Variants in SZRD1 observed in about 807,000 individuals in gnomAD.
The protein encoded by SZRD1 is SUZ RNA binding domain containing 1.
SZRD1 carries 7 observed loss-of-function variants against 17.6 expected under a neutral mutation model. That is an observed-to-expected ratio of 0.40 (90% CI 0.23 to 0.75). The LOEUF (loss-of-function observed/expected upper bound fraction) is 0.75. Ranked by LOEUF, SZRD1 falls within the 30% of genes least tolerant of loss-of-function variation. The pLI is 0.38. For synonymous variants in SZRD1, 77 were observed against 77.9 expected, an observed-to-expected ratio of 0.99 and a Z score of 0.06; for missense variants, 178 against 201.8, an observed-to-expected ratio of 0.88 and a Z score of 0.71.
intron 1 of SZRD1, among the ~76,000 whole-genome samples, chr1:16,389,711 C>T (rs1461454853): frequency 6.6e-6 from 1 of 152,194 alleles, no homozygotes; most frequent in Admixed American, 6.5e-5. Context: ...TCCCAAAGTG[C>T]TGGGATTATA....
rs2085321742 is a variant in SZRD1 at position 16,396,915 on chromosome 1, AGAGG to A, written c.*1780_*1783del. 1 of 152,394 alleles carries A rather than the reference AGAGG, an allele frequency of 6.6e-6. No individual in the cohort carries two copies. Among genetic ancestry groups the A allele is most frequent in the Non-Finnish European group, 1.5e-5 (1 of 68,142 alleles). 9.4% of individuals were successfully genotyped at this position (152,394 alleles called of 1,614,324 possible). ...GCTGGAACCAGAGCTTCAGTCAGTA[AGAGG>A]GAGGATTACCTTCAGGAGAAGGCAA... is the stretch of plus-strand genomic sequence containing the variant. On this transcript the variant is annotated 3_prime_UTR_variant, in exon 4 of 4. Transcript: ENST00000401088.
chr1:16,368,073 A>T (rs1306791659), intron 1 of SZRD1: 1 of 152,136 alleles, frequency 6.6e-6, no homozygotes, highest in Admixed American at 6.6e-5. Flanking sequence ...GGACCGTTCG[A>T]CTTGTTTTTG....
chr1:16,386,881 T>C (rs549561242), intron 1 of SZRD1, among the ~76,000 whole-genome samples: 16 of 152,052 alleles, frequency 1.1e-4, no homozygotes, highest in Non-Finnish European at 2.4e-4. Flanking sequence ...TAATGGTTTA[T>C]ACTGGCATTT....
Position 16,391,516 on chromosome 1 carries a change from C to A in SZRD1, c.101+92C>A, listed in dbSNP as rs565505370. On this transcript the variant is annotated intron_variant, in intron 2 of 3. Transcript: ENST00000401088. This position sits in a 1 kb window ranked among gnomAD's most constrained non-coding sequence, Gnocchi z 4.3. ...TTCTCCAGCTGGCCATTAGGATTAGCAGGTCCTAGCAGGTCAGGCTCTGGG... is the reference window on the plus strand; with the variant it reads ...TTCTCCAGCTGGCCATTAGGATTAGAAGGTCCTAGCAGGTCAGGCTCTGGG... 1.7e-5 allele frequency: 18 copies of A among 1,053,950 alleles called. No homozygotes were observed. The highest frequency in any genetic ancestry group is 2.4e-5 in the Non-Finnish European group (17 of 710,774). The allele number at this position is 1,053,950 out of a possible 1,614,324, so 65.3% of individuals were successfully genotyped here. A position where few individuals can be genotyped will look rare whatever the true frequency, so the allele number is the denominator to read the frequency against.
rs1043244707 is a variant in SZRD1, at chr1:16,397,425, G to C, written c.*2285G>C. The stretch of plus-strand genomic sequence containing the variant: ...CGGTTTGGATTTTGTGTGTGGGAGG[G>C]TATTTTTTGGGGGTAGTTGTCTGTA... On this transcript the variant is annotated 3_prime_UTR_variant, in exon 4 of 4. Transcript: ENST00000401088. The surrounding 1 kb of genome is among the most constrained non-coding windows in gnomAD (Gnocchi z 5.4). 1.3e-5 allele frequency: 2 copies of C among 152,252 alleles called. No individual in the cohort carries two copies. Among genetic ancestry groups the C allele is most frequent in the Non-Finnish European group, 2.9e-5 (2 of 68,048 alleles). The allele number at this position is 152,252 out of a possible 1,614,324, so 9.4% of individuals were successfully genotyped here. A position where few individuals can be genotyped will look rare whatever the true frequency, so the allele number is the denominator to read the frequency against.
chr1:16,371,292 A>C (rs1351386960), intron 1 of SZRD1, among the ~76,000 whole-genome samples: 1 of 149,262 alleles, frequency 6.7e-6, no homozygotes. Context: ...TGTCTCAGGC[A>C]ATCTCCACCC....
intron 1 of SZRD1, chr1:16,367,693 C>G (rs1358931123): frequency 4.3e-6 from 1 of 232,514 alleles, no homozygotes; most frequent in African/African-American, 2.3e-5. Flanking sequence ...GACGGACACA[C>G]CATGTGGGTG....
chr1:16,373,991 G>A (rs1428645371), intron 1 of SZRD1, among the ~76,000 whole-genome samples: 1 of 152,110 alleles, frequency 6.6e-6, no homozygotes, highest in African/African-American at 2.4e-5. Flanking sequence ...TGTGACTGCC[G>A]CTTCACTCTG....
chr1:16,389,992 A>C (rs1317954208), intron 1 of SZRD1, among the ~76,000 whole-genome samples: 2 of 152,238 alleles, frequency 1.3e-5, no homozygotes, highest in African/African-American at 4.8e-5. Flanking sequence ...GACATTTAGC[A>C]TTTCCCCAAT....
intron 1 of SZRD1, chr1:16,387,652 T>A: frequency 2.2e-6 from 1 of 456,706 alleles, no homozygotes; most frequent in Non-Finnish European, 4.4e-6. Flanking sequence ...GTCTCAACCC[T>A]CAAAGGCTTC....
At chr1:16,380,293 A>G (rs182969085) in intron 1 of SZRD1, among the ~76,000 whole-genome samples, 75 of 151,784 alleles carry the variant, frequency 4.9e-4, no homozygotes, top group Non-Finnish European at 7.5e-4. Context: ...TGAGCAACAT[A>G]GAGAGACGCT....
chr1:16,369,689 G>C (rs531292232), intron 1 of SZRD1, among the ~76,000 whole-genome samples: 4 of 152,260 alleles, frequency 2.6e-5, no homozygotes, highest in Admixed American at 1.3e-4. Flanking sequence ...AGGAGTTCCA[G>C]ACCAGCCTGG....
At chr1:16,370,698 A>G (rs553865348) in intron 1 of SZRD1, among the ~76,000 whole-genome samples, 1 of 151,894 alleles carries the variant, frequency 6.6e-6, no homozygotes, top group East Asian at 2.0e-4. Context: ...GTGCAGTGGC[A>G]TAATCATAGC....
intron 1 of SZRD1, among the ~76,000 whole-genome samples, chr1:16,377,123 G>A (rs2083017185): frequency 6.6e-6 from 1 of 152,138 alleles, no homozygotes; most frequent in Non-Finnish European, 1.5e-5. Flanking sequence ...GGGCTTGGAG[G>A]CATTGTGTTT....
At chr1:16,387,103 A>G (rs1282276517) in intron 1 of SZRD1, 9 of 341,480 alleles carry the variant, frequency 2.6e-5, no homozygotes, top group African/African-American at 4.3e-5. Flanking sequence ...GTTGACAGCC[A>G]TAATACATTA....
intron 1 of SZRD1, among the ~76,000 whole-genome samples, chr1:16,375,178 T>C (rs962940999): frequency 4.6e-5 from 7 of 151,688 alleles, no homozygotes; most frequent in African/African-American, 9.7e-5. Flanking sequence ...GCCTGGCCTT[T>C]GAGTGTTTTT....
intron 1 of SZRD1, chr1:16,369,277 T>C (rs2082871943): frequency 3.1e-6 from 2 of 650,608 alleles, no homozygotes; most frequent in Non-Finnish European, 5.5e-6. Flanking sequence ...TTTGGTGAGA[T>C]ATTTGAAATA....
In SZRD1 at chr1:16,393,351, C is replaced by T. The variant is rs754103990; in HGVS notation, c.225C>T (p.Pro75=). ...CCAGCAACGGTGTGGTCAGCAGCCC[C>T]AACTCCACCAGCAGGCCCACCCTTC... The part of the protein sequence containing the change: ...RPTSNGVVSS[P]NSTSRPTLPV... Residue 75 remains proline, a synonymous_variant, in exon 3 of 4, where the codon CCC becomes CCT. Transcript: ENST00000401088. The surrounding 1 kb of genome is among the most constrained non-coding windows in gnomAD (Gnocchi z 5.6). The T allele has an allele frequency of 6.2e-7, 1 of 1,614,226 alleles. No individual in the cohort carries two copies. Among genetic ancestry groups the T allele is most frequent in the Non-Finnish European group, 8.5e-7 (1 of 1,180,038 alleles).
intron 1 of SZRD1, among the ~76,000 whole-genome samples, chr1:16,376,814 A>AAC (rs936571326): frequency 4.6e-5 from 7 of 150,780 alleles, no homozygotes; most frequent in Non-Finnish European, 2.9e-5. Flanking sequence ...TCAAAAAAAA[A>AAC]AAAAAAAAAA....
Sources: gnomAD v4.1 joint callset for allele counts (sites outside exome capture counted in the v4.1 genomes callset) on GRCh38, gnomAD v4.1.1 for gene constraint, Gnocchi (gnomAD v3.1) non-coding constraint, MANE v1.5 for transcripts, NCBI Gene and HGNC (gene_info 2026-07-23, HGNC 2026-07-21) for gene names.